FAM184B: variants seen among roughly 807,000 people sequenced by gnomAD.
FAM184B encodes the protein family with sequence similarity 184 member B.
A neutral mutation model predicts 135.9 loss-of-function variants in FAM184B; 111 were observed. The observed-to-expected ratio is 0.82, with a 90% CI of 0.70 to 0.96. The LOEUF (loss-of-function observed/expected upper bound fraction) is 0.96, where lower values mean the gene tolerates loss of function less well. Among genes scored for constraint, FAM184B ranks in the 40% least tolerant of loss-of-function variants. The pLI is 0.00. For synonymous variants in FAM184B, 552 were observed against 524.8 expected (o/e 1.05, Z -0.71); for missense variants, 1,375 against 1,323.9 (o/e 1.04, Z -0.60).
At chr4:17,779,184 G>C (rs1028059775) in intron 1 of FAM184B, among the ~76,000 whole-genome samples, 1 of 152,174 alleles carries the variant, frequency 6.6e-6, no homozygotes, top group Non-Finnish European at 1.5e-5. Context: ...TCTGATGGAA[G>C]AAGAGCCCAA....
chr4:17,760,363 C>T (rs576423958), intron 1 of FAM184B, among the ~76,000 whole-genome samples: 26 of 151,896 alleles, frequency 1.7e-4, no homozygotes, highest in African/African-American at 5.8e-4. Flanking sequence ...ACTCAGGTTG[C>T]TGAGGCAGGA....
At chr4:17,759,427 C>T (rs1390560772) in intron 1 of FAM184B, among the ~76,000 whole-genome samples, 1 of 152,196 alleles carries the variant, frequency 6.6e-6, no homozygotes, top group South Asian at 2.1e-4. Context: ...GTACAGCCTG[C>T]AGAATCAGAA....
chr4:17,710,110 G>A (rs1717226146), intron 1 of FAM184B, among the ~76,000 whole-genome samples: 1 of 152,238 alleles, frequency 6.6e-6, no homozygotes, highest in African/African-American at 2.4e-5. Context: ...CGGATCACCT[G>A]AGGTCAGGAG....
intron 1 of FAM184B, among the ~76,000 whole-genome samples, chr4:17,750,916 A>C (rs1032237959): frequency 1.3e-5 from 2 of 152,058 alleles, no homozygotes; most frequent in African/African-American, 2.4e-5. Context: ...CTTATCAGTG[A>C]CTGGCTTTGG....
chr4:17,694,277 A>T (rs574482758), intron 5 of FAM184B, among the ~76,000 whole-genome samples: 15 of 152,294 alleles, frequency 9.8e-5, no homozygotes, highest in African/African-American at 3.6e-4. Context: ...TAATCCCAGC[A>T]CTTTGGGAGG....
In FAM184B at chr4:17,668,049, G is replaced by A. The variant is rs1716093504; in HGVS notation, c.1597-3390C>T. On this transcript the variant is annotated intron_variant, in intron 7 of 17. Coordinates refer to ENST00000265018, the MANE Select transcript of FAM184B (RefSeq NM_015688.2). ...CTATCCCCAGGCAGGTGCATGTCTA[G>A]CTCCGTGATGAAGGATGCCTGATTC... Among the ~76,000 whole-genome samples the A allele has an allele frequency of 2.0e-5, 3 of 152,200 alleles. No individual in the cohort carries two copies. In the South Asian group the frequency reaches 6.2e-4, roughly 31 times the overall value.
rs889078727 is a variant in FAM184B, at chr4:17,781,597, TCC to T, written c.-300_-299del. The T allele has an allele frequency of 6.0e-6, 2 of 331,140 alleles. No homozygotes were observed. The highest frequency in any genetic ancestry group is 4.3e-5 in the African/African-American group (2 of 45,990). The allele number at this position is 331,140 out of a possible 1,614,324, so 20.5% of individuals were successfully genotyped here. On this transcript the variant is annotated 5_prime_UTR_variant, in exon 1 of 18. Coordinates refer to ENST00000265018, the MANE Select transcript of FAM184B (RefSeq NM_015688.2). The surrounding 1 kb of genome is among the most constrained non-coding windows in gnomAD (Gnocchi z 6.5). ...GTGCCGCTGGCGATCAGTCTGCAGT[TCC>T]CCAGCCAGTGCAGGTTTCGTGTGCA... is the stretch of plus-strand genomic sequence containing the variant.
At chr4:17,653,150 GC>G (rs57142747) in intron 10 of FAM184B, among the ~76,000 whole-genome samples, 167 bp from the exon 11 acceptor site, 9,859 of 152,218 alleles carry the variant, frequency 0.065, 1,097 homozygotes, top group African/African-American at 0.23. Flanking sequence ...GGCCACAGCA[GC>G]CATTTTGCAC....
At position 17,693,328 on chromosome 4, in the gene FAM184B, C is replaced by T. The variant is rs975392099; in HGVS notation, c.1462G>A (p.Val488Met). The T allele has an allele frequency of 2.6e-6, 4 of 1,551,506 alleles. No homozygotes were observed. In the African/African-American group the frequency reaches 5.5e-5, roughly 21 times the overall value. ...TCAAGCAGAGAATTCTGAAGCTTCA[C>T]ATTGAGGGCTGCTTTCTCTTCTTCC... The part of the protein sequence containing the change: ...QLEEEKAALN[V>M]KLQNSLLEVL... Residue 488 changes from valine to methionine, a missense_variant, in exon 6 of 18, where the codon GTG (valine) becomes ATG (methionine). Val to Met is a conservative substitution (Grantham distance 21). Transcript: ENST00000265018.
rs532522299 is a variant in FAM184B, at chr4:17,706,887, G to A, written c.1030+762C>T. On this transcript the variant is annotated intron_variant, in intron 3 of 17. Coordinates refer to ENST00000265018, the MANE Select transcript of FAM184B (RefSeq NM_015688.2). ...TGCAACCTCTGCCTCCAGGGCTCAA[G>A]TGAGTCCCCTTCCTCAGCCTCCCAA... 1.2e-3 allele frequency among the ~76,000 whole-genome samples: 189 copies of A among 152,122 alleles called. 1 individual carries two copies. Among genetic ancestry groups the A allele is most frequent in the African/African-American group, 4.2e-3 (176 of 41,502 alleles).
rs549901211 is a variant in FAM184B at position 17,724,885 on chromosome 4, A to G, written c.142-15241T>C. Among the ~76,000 whole-genome samples, 11 of 152,220 alleles carry G rather than the reference A, an allele frequency of 7.2e-5. No homozygotes were observed. In the South Asian group the frequency reaches 1.2e-3, roughly 17 times the overall value. ...CGTAGGACTCCTATATTCTACGTCAATTCTCTCCCTGGCCTGGCTAGAGTG... is the reference window on the plus strand; with the variant it reads ...CGTAGGACTCCTATATTCTACGTCAGTTCTCTCCCTGGCCTGGCTAGAGTG... On this transcript the variant is annotated intron_variant, in intron 1 of 17. Coordinates refer to ENST00000265018, the MANE Select transcript of FAM184B (RefSeq NM_015688.2).
intron 2 of FAM184B, among the ~76,000 whole-genome samples, 183 bp downstream of exon 2, chr4:17,708,709 A>ATATATAGAGTGTGT (rs3066655): frequency 2.6e-5 from 1 of 38,838 alleles, no homozygotes; most frequent in Admixed American, 3.5e-4. Context: ...ATATATATAT[A>ATATATAGAGTGTGT]GTGTCTGTGT....
intron 1 of FAM184B, among the ~76,000 whole-genome samples, chr4:17,772,224 G>T (rs1718834282): frequency 6.6e-6 from 1 of 152,126 alleles, no homozygotes; most frequent in Admixed American, 6.5e-5. Flanking sequence ...ACTTTGAATA[G>T]AAATGATAAT....
intron 6 of FAM184B, 119 bp from the exon 7 acceptor site, chr4:17,688,650 G>A (rs1014833252): frequency 5.7e-6 from 2 of 350,736 alleles, no homozygotes; most frequent in Non-Finnish European, 1.0e-5. Flanking sequence ...TGCCCCATTA[G>A]ACAAATTCTA....
intron 1 of FAM184B, among the ~76,000 whole-genome samples, chr4:17,744,465 A>T (rs1259599098): frequency 3.5e-5 from 5 of 142,058 alleles, no homozygotes; most frequent in African/African-American, 1.4e-4. Flanking sequence ...TCTCTCTCAC[A>T]CACACACACA....
chr4:17,678,525 T>C (rs4698644), intron 7 of FAM184B, among the ~76,000 whole-genome samples: 83,104 of 151,890 alleles, frequency 0.55, 24,298 homozygotes, highest in East Asian at 0.82. Flanking sequence ...AAAAAAATCA[T>C]AGGCAACACA....
At chr4:17,645,518 A>G (rs1199850921) in intron 12 of FAM184B, among the ~76,000 whole-genome samples, 1 of 152,198 alleles carries the variant, frequency 6.6e-6, no homozygotes, top group African/African-American at 2.4e-5. Context: ...AAAACTGGCT[A>G]GCCATATGTA....
intron 1 of FAM184B, among the ~76,000 whole-genome samples, chr4:17,726,300 CAT>C (rs1717637546): frequency 6.6e-6 from 1 of 152,180 alleles, no homozygotes; most frequent in East Asian, 1.9e-4. Flanking sequence ...TTTATTGGCT[CAT>C]ATACCTGAAA....
At position 17,669,217 on chromosome 4, in the gene FAM184B, T is replaced by A. The variant is rs571775483; in HGVS notation, c.1597-4558A>T. ...GTGACTAAGCAGATTATAACCTACA[T>A]GTGAACCAGAGGCTAAAAGGTCCTC... On this transcript the variant is annotated intron_variant, in intron 7 of 17. Transcript: ENST00000265018. Among the ~76,000 whole-genome samples, 8 of 152,318 alleles carry A rather than the reference T, an allele frequency of 5.3e-5. No homozygotes were observed. The South Asian group carries it at 1.7e-3, about 32-fold the overall frequency.
Sources: gnomAD v4.1 joint callset for allele counts (sites outside exome capture counted in the v4.1 genomes callset) on GRCh38, gnomAD v4.1.1 for gene constraint, Gnocchi (gnomAD v3.1) non-coding constraint, MANE v1.5 for transcripts, NCBI Gene and HGNC (gene_info 2026-07-23, HGNC 2026-07-21) for gene names.